KCND2: variants seen among roughly 807,000 people sequenced by gnomAD.
KCND2 encodes the protein A-type voltage-gated potassium channel KCND2.
In KCND2, 16 loss-of-function variants were observed where a neutral mutation model predicts 54.4. The ratio of observed to expected loss-of-function variants is 0.29; its 90% confidence interval spans 0.20 to 0.45. KCND2 has a LOEUF of 0.45. Ranked by LOEUF, KCND2 falls within the 20% of genes least tolerant of loss-of-function variation. KCND2 has a pLI of 1.00. For synonymous variants in KCND2, 317 were observed against 310.7 expected (o/e 1.02, Z -0.21); for missense variants, 486 against 824.2 (o/e 0.59, Z 5.02).
At chr7:120,524,666 G>A (rs1029872444) in intron 1 of KCND2, among the ~76,000 whole-genome samples, 1 of 152,062 alleles carries the variant, frequency 6.6e-6, no homozygotes, top group East Asian at 1.9e-4. Context: ...TTTAGCTCAG[G>A]ATATACTTTA....
At chr7:120,472,608 TTTGG>T (rs1414574484) in intron 1 of KCND2, among the ~76,000 whole-genome samples, 1 of 152,038 alleles carries the variant, frequency 6.6e-6, no homozygotes, top group Non-Finnish European at 1.5e-5. Context: ...TTTGCTAACA[TTTGG>T]TTGGTTGGTT....
At chr7:120,507,515 A>G (rs1003792917) in intron 1 of KCND2, among the ~76,000 whole-genome samples, 24 of 151,940 alleles carry the variant, frequency 1.6e-4, no homozygotes, top group South Asian at 6.2e-4. Context: ...TTGAATGTGC[A>G]ATTTATAAAT....
intron 1 of KCND2, among the ~76,000 whole-genome samples, chr7:120,351,412 A>T (rs4437582): frequency 0.77 from 75,803 of 99,086 alleles, 29,174 homozygotes; most frequent in South Asian, 0.89. Flanking sequence ...ACACACACAC[A>T]CTCTCTCTCT....
rs900679058 is a variant in KCND2, at chr7:120,273,767, A to T, written c.-866A>T. Reference sequence around the variant, plus strand: ...AGCCCCGGCGCGCACTTGGCCAGGTATGTACCGCGGGAGCGGCGCGTTCTG... The same window carrying T: ...AGCCCCGGCGCGCACTTGGCCAGGTTTGTACCGCGGGAGCGGCGCGTTCTG... On this transcript the variant is annotated 5_prime_UTR_variant, in exon 1 of 6. The change abolishes an upstream ATG in the 5' untranslated region. Transcript: ENST00000331113. The T allele has an allele frequency of 6.5e-6, 1 of 152,754 alleles. No homozygotes were observed. The highest frequency in any genetic ancestry group is 2.1e-4 in the South Asian group (1 of 4,832). The allele number at this position is 152,754 out of a possible 1,614,324, so 9.5% of individuals were successfully genotyped here.
At chr7:120,490,873 A>T (rs796474749) in intron 1 of KCND2, among the ~76,000 whole-genome samples, 10 of 152,302 alleles carry the variant, frequency 6.6e-5, no homozygotes, top group African/African-American at 2.4e-4. Flanking sequence ...TGCTAAAGTA[A>T]GTAAACCTGT....
chr7:120,664,982 T>G (rs745602665), intron 1 of KCND2, among the ~76,000 whole-genome samples: 4 of 152,076 alleles, frequency 2.6e-5, no homozygotes, highest in Non-Finnish European at 5.9e-5. Context: ...TGTATTTAAT[T>G]ACAATTTGTT....
intron 1 of KCND2, among the ~76,000 whole-genome samples, chr7:120,511,024 T>TCACA (rs10594846): frequency 0.039 from 5,595 of 144,990 alleles, 287 homozygotes; most frequent in African/African-American, 0.12. Flanking sequence ...TCTCTCTCTC[T>TCACA]CACACACACA....
chr7:120,496,415 A>AT (rs956237052), intron 1 of KCND2, among the ~76,000 whole-genome samples: 20 of 151,392 alleles, frequency 1.3e-4, no homozygotes, highest in African/African-American at 4.8e-4. Context: ...ATATATATAT[A>AT]AAAATATATA....
chr7:120,683,562 A>G (rs557786093), intron 1 of KCND2, among the ~76,000 whole-genome samples: 6 of 152,286 alleles, frequency 3.9e-5, no homozygotes, highest in African/African-American at 1.4e-4. Flanking sequence ...TATTTAAATT[A>G]TTTAAGTAAT....
intron 1 of KCND2, among the ~76,000 whole-genome samples, chr7:120,724,155 T>C (rs1792703098): frequency 1.3e-5 from 2 of 152,192 alleles, no homozygotes; most frequent in Non-Finnish European, 2.9e-5. Flanking sequence ...TGCTCAGCAC[T>C]GGACAAGGTC....
chr7:120,490,845 C>T (rs1802768576), intron 1 of KCND2, among the ~76,000 whole-genome samples: 1 of 152,176 alleles, frequency 6.6e-6, no homozygotes, highest in South Asian at 2.1e-4. Flanking sequence ...TAGTCGTCAG[C>T]ACCTGGTACA....
chr7:120,349,523 A>C (rs1486343150), intron 1 of KCND2, among the ~76,000 whole-genome samples: 2 of 152,222 alleles, frequency 1.3e-5, no homozygotes, highest in African/African-American at 4.8e-5. Context: ...ATTGCAGACC[A>C]CATTCAATTT....
intron 1 of KCND2, among the ~76,000 whole-genome samples, chr7:120,506,371 C>T (rs1803019397): frequency 6.6e-6 from 1 of 151,766 alleles, no homozygotes; most frequent in Non-Finnish European, 1.5e-5. Context: ...ACAGATTCCA[C>T]TTATGGACCA....
chr7:120,678,742 A>ATATATATG (rs1792102834), intron 1 of KCND2, among the ~76,000 whole-genome samples: 2 of 7,972 alleles, frequency 2.5e-4, no homozygotes, highest in South Asian at 0.012. Context: ...GTGAGTGTAT[A>ATATATATG]TATATATATA....
chr7:120,423,149 A>G (rs914082464), intron 1 of KCND2, among the ~76,000 whole-genome samples: 5 of 152,156 alleles, frequency 3.3e-5, no homozygotes, highest in Non-Finnish European at 7.4e-5. Flanking sequence ...TTTGATACCA[A>G]AGGGAGGGCT....
At chr7:120,625,580 C>T (rs1044247456) in intron 1 of KCND2, among the ~76,000 whole-genome samples, 1 of 152,074 alleles carries the variant, frequency 6.6e-6, no homozygotes, top group Non-Finnish European at 1.5e-5. Flanking sequence ...TCCATTAACT[C>T]ATACTATATA....
At position 120,747,917 on chromosome 7, in the gene KCND2, TAGAAGAA is replaced by T. The variant is rs1793026546; in HGVS notation, c.*68_*74del. On this transcript the variant is annotated 3_prime_UTR_variant, in exon 6 of 6. Coordinates refer to ENST00000331113, the MANE Select transcript of KCND2 (RefSeq NM_012281.3). ...CCTGGCTGTGAAAAGAATCTCAACA[TAGAAGAA>T]AGAAGAAACAATAAATATTCTGCAG... The T allele has an allele frequency of 7.7e-7, 1 of 1,299,730 alleles. No individual in the cohort carries two copies. Among genetic ancestry groups the T allele is most frequent in the Admixed American group, 1.9e-5 (1 of 53,754 alleles). 80.5% of individuals were successfully genotyped at this position (1,299,730 alleles called of 1,614,324 possible). A position where few individuals can be genotyped will look rare whatever the true frequency, so the allele number is the denominator to read the frequency against.
intron 1 of KCND2, among the ~76,000 whole-genome samples, chr7:120,486,423 A>AT (rs1250757448): frequency 3.3e-5 from 5 of 152,122 alleles, no homozygotes; most frequent in African/African-American, 1.2e-4. Flanking sequence ...TAGCTACCAA[A>AT]TTCCTGTGAG....
At chr7:120,699,700 A>T (rs963913983) in intron 1 of KCND2, among the ~76,000 whole-genome samples, 3 of 152,212 alleles carry the variant, frequency 2.0e-5, no homozygotes, top group African/African-American at 7.2e-5. Context: ...ATGTCAGAGA[A>T]ATGTCAAATG....
Sources: allele counts gnomAD v4.1 joint callset (sites outside exome capture counted in the v4.1 genomes callset), GRCh38; gene constraint gnomAD v4.1.1; transcripts MANE v1.5; gene names NCBI Gene and HGNC (gene_info 2026-07-23, HGNC 2026-07-21).